SORD: variants seen among roughly 807,000 people sequenced by gnomAD.
The protein encoded by SORD is sorbitol dehydrogenase.
SORD carries 18 observed loss-of-function variants against 35.6 expected under a neutral mutation model. The ratio of observed to expected loss-of-function variants is 0.51; its 90% confidence interval spans 0.35 to 0.75. The LOEUF (loss-of-function observed/expected upper bound fraction) is 0.75, where lower values mean the gene tolerates loss of function less well. SORD is among the 30% of genes least tolerant of loss of function. The probability of loss-of-function intolerance (pLI) is 0.01; values close to 1 mark genes in which losing one functional copy is unlikely to be tolerated. For missense variants in SORD, 250 were observed against 390.2 expected (o/e 0.64, Z 3.03); for synonymous variants, 106 against 152.9 (o/e 0.69, Z 2.26).
At chr15:45,067,098 A>G (rs950511919) in intron 5 of SORD, among the ~76,000 whole-genome samples, 1 of 152,202 alleles carries the variant, frequency 6.6e-6, no homozygotes, top group Non-Finnish European at 1.5e-5. Flanking sequence ...ATGGTGGCTC[A>G]TGCCTGTAAT....
At chr15:45,041,396 G>C (rs1440371174) in intron 2 of SORD, among the ~76,000 whole-genome samples, 1 of 151,998 alleles carries the variant, frequency 6.6e-6, no homozygotes, top group Admixed American at 6.6e-5. Context: ...TAGACAGTCA[G>C]GTCCCCTTTC....
intron 7 of SORD, among the ~76,000 whole-genome samples, chr15:45,071,449 G>C (rs960763109): frequency 2.0e-5 from 3 of 152,124 alleles, no homozygotes; most frequent in Non-Finnish European, 2.9e-5. Context: ...CTCAGAAGTG[G>C]AGGCTATGAT....
rs564488488 is a variant in SORD at position 45,068,523 on chromosome 15, A to C, written c.610+277A>C. On this transcript the variant is annotated intron_variant, in intron 6 of 8. Transcript: ENST00000267814. ...ATGAGGGTGTAGAGCAGGGGTGTCCAATCTTTTGGCTTCCTTGGGCCACAT... is the reference window on the plus strand; with the variant it reads ...ATGAGGGTGTAGAGCAGGGGTGTCCCATCTTTTGGCTTCCTTGGGCCACAT... 1.5e-4 allele frequency among the ~76,000 whole-genome samples: 22 copies of C among 151,454 alleles called. No homozygotes were observed. The South Asian group carries it at 4.0e-3, about 27-fold the overall frequency.
At chr15:45,069,231 G>C (rs1318868557) in intron 7 of SORD, among the ~76,000 whole-genome samples, 179 bp downstream of exon 7, 7 of 105,364 alleles carry the variant, frequency 6.6e-5, no homozygotes, top group East Asian at 3.1e-4. Context: ...TTTTGAGACA[G>C]AGTCTCACTC....
In SORD at chr15:45,038,136, C is replaced by CTTCT. The variant is rs201313676; in HGVS notation, c.67-2269_67-2268insTTTC. On this transcript the variant is annotated intron_variant, in intron 1 of 8. Transcript: ENST00000267814. ...CTTCCCTCGCATCCTCCCTTCCTTC[C>CTTCT]TTCCTTCCTTCCTTCCTTCCTTCCT... Among the ~76,000 whole-genome samples, 644 of 76,522 alleles carry CTTCT rather than the reference C, an allele frequency of 8.4e-3. 4 individuals carry two copies. The highest frequency in any genetic ancestry group is 0.049 in the African/African-American group (428 of 8,718). 50.2% of individuals were successfully genotyped at this position (76,522 alleles called of 152,430 possible).
intron 3 of SORD, 166 bp from the exon 4 acceptor site, chr15:45,060,901 G>T: frequency 6.9e-7 from 1 of 1,448,846 alleles, no homozygotes; most frequent in Non-Finnish European, 9.2e-7. Context: ...AGGGTGGCTC[G>T]TTAAGCTAGA....
rs562989314 is a variant in SORD at position 45,066,595 on chromosome 15, C to T, written c.544+1206C>T. 6.6e-5 allele frequency among the ~76,000 whole-genome samples: 10 copies of T among 152,296 alleles called. No individual in the cohort carries two copies. The South Asian group carries it at 2.1e-3, about 32-fold the overall frequency. On this transcript the variant is annotated intron_variant, in intron 5 of 8. Coordinates refer to ENST00000267814, the MANE Select transcript of SORD (RefSeq NM_003104.6). Reference sequence around the variant, plus strand: ...CTGCAGTAGGGCTGTAGCTAGCTGCCTTCTCTCATCCCCTGTTTCAAGCCA... The same window carrying T: ...CTGCAGTAGGGCTGTAGCTAGCTGCTTTCTCTCATCCCCTGTTTCAAGCCA...
At chr15:45,035,555 A>G (rs985524181) in intron 1 of SORD, among the ~76,000 whole-genome samples, 2 of 152,144 alleles carry the variant, frequency 1.3e-5, no homozygotes, top group African/African-American at 4.8e-5. Flanking sequence ...GGCTCTAGCA[A>G]TCAGCAGGAT....
At chr15:45,061,844 G>T (rs139593259) in intron 4 of SORD, among the ~76,000 whole-genome samples, 15 of 152,096 alleles carry the variant, frequency 9.9e-5, no homozygotes, top group African/African-American at 3.6e-4. Flanking sequence ...ACTCCAGCCT[G>T]GGCAACAGAC....
At chr15:45,063,366 T>G (rs566514005) in intron 4 of SORD, among the ~76,000 whole-genome samples, 2 of 152,140 alleles carry the variant, frequency 1.3e-5, no homozygotes, top group East Asian at 3.9e-4. Context: ...CTCATCACTC[T>G]CTGGTGTTTA....
intron 1 of SORD, among the ~76,000 whole-genome samples, chr15:45,033,043 C>T (rs898799912): frequency 4.6e-5 from 7 of 151,996 alleles, no homozygotes; most frequent in African/African-American, 1.7e-4. Context: ...GTCCCCCACC[C>T]GAAGACAGTG....
At chr15:45,071,482 A>T (rs1180898889) in intron 7 of SORD, among the ~76,000 whole-genome samples, 2 of 152,132 alleles carry the variant, frequency 1.3e-5, no homozygotes, top group East Asian at 3.9e-4. Flanking sequence ...TTCGTCTCAG[A>T]ACTGGAGGCT....
chr15:45,034,630 G>A (rs114869834), intron 1 of SORD, among the ~76,000 whole-genome samples: 2,121 of 152,354 alleles, frequency 0.014, 33 homozygotes, highest in African/African-American at 0.047. Flanking sequence ...AGGGCAGCGG[G>A]AGCAGCTGAA....
At chr15:45,024,081 C>T (rs1382022200) in intron 1 of SORD, among the ~76,000 whole-genome samples, 1 of 152,130 alleles carries the variant, frequency 6.6e-6, no homozygotes, top group Non-Finnish European at 1.5e-5. Flanking sequence ...TGTCCTCTGC[C>T]TTAGACCCTG....
chr15:45,058,065 A>G (rs2141278475), intron 3 of SORD, among the ~76,000 whole-genome samples: 1 of 152,354 alleles, frequency 6.6e-6, no homozygotes, highest in Admixed American at 6.5e-5. Flanking sequence ...TTATATTCCC[A>G]GGTTCTAAAA....
chr15:45,053,734 G>A (rs943215426), intron 3 of SORD, among the ~76,000 whole-genome samples: 2 of 149,456 alleles, frequency 1.3e-5, no homozygotes, highest in African/African-American at 4.9e-5. Flanking sequence ...ATGCTGGTGT[G>A]CTGCACCCAT....
rs369639607 is a variant in SORD at position 45,056,443 on chromosome 15, C to T, written c.266-4624C>T. Reference sequence around the variant, plus strand: ...CCAACTTACAAGGGACGTGAAGGACCTCTTCAAGGAGAACTACAAACCACT... The same window carrying T: ...CCAACTTACAAGGGACGTGAAGGACTTCTTCAAGGAGAACTACAAACCACT... On this transcript the variant is annotated intron_variant, in intron 3 of 8. Coordinates refer to ENST00000267814, the MANE Select transcript of SORD (RefSeq NM_003104.6). 4.4e-3 allele frequency among the ~76,000 whole-genome samples: 667 copies of T among 152,234 alleles called. 6 individuals carry two copies. The highest frequency in any genetic ancestry group is 0.015 in the African/African-American group (641 of 41,546).
At position 45,055,824 on chromosome 15, in the gene SORD, G is replaced by A. The variant is rs1351980791; in HGVS notation, c.266-5243G>A. 4.6e-5 allele frequency among the ~76,000 whole-genome samples: 7 copies of A among 152,134 alleles called. No individual in the cohort carries two copies. The East Asian group carries it at 1.3e-3, about 29-fold the overall frequency. ...GTGGGCTTCATCCCTGGGATGCAAGGCTGGTTCAATATACGCAAATCAATA... is the reference window on the plus strand; with the variant it reads ...GTGGGCTTCATCCCTGGGATGCAAGACTGGTTCAATATACGCAAATCAATA... On this transcript the variant is annotated intron_variant, in intron 3 of 8. Coordinates refer to ENST00000267814, the MANE Select transcript of SORD (RefSeq NM_003104.6).
At chr15:45,060,744 G>GA (rs1893289401) in intron 3 of SORD, among the ~76,000 whole-genome samples, 1 of 634 alleles carries the variant, frequency 1.6e-3, no homozygotes, top group African/African-American at 4.9e-3. Flanking sequence ...TGGAGATAGA[G>GA]GGTGGCTTGG....
Sources: allele counts gnomAD v4.1 joint callset (sites outside exome capture counted in the v4.1 genomes callset), GRCh38; gene constraint gnomAD v4.1.1; transcripts MANE v1.5; gene names NCBI Gene and HGNC (gene_info 2026-07-23, HGNC 2026-07-21).